Variants in ITGB6 observed in about 807,000 individuals in gnomAD.
ITGB6 encodes integrin beta-6.
ITGB6 carries 80 observed loss-of-function variants against 84.5 expected under a neutral mutation model. The observed-to-expected ratio is 0.95, with a 90% CI of 0.79 to 1.14. ITGB6 has a LOEUF of 1.14. Among genes scored for constraint, ITGB6 ranks in the 50% most tolerant of loss-of-function variants. The pLI is 0.00. For missense variants in ITGB6, 1,006 were observed against 968.0 expected (o/e 1.04, Z -0.52); for synonymous variants, 383 against 354.9 (o/e 1.08, Z -0.89).
intron 7 of ITGB6, among the ~76,000 whole-genome samples, chr2:160,168,586 AT>A (rs1217753320): frequency 6.6e-6 from 1 of 152,068 alleles, no homozygotes; most frequent in African/African-American, 2.4e-5. Context: ...CATATATCGT[AT>A]TTTTTTGCAG....
chr2:160,109,978 T>C (rs1299875654), intron 13 of ITGB6, among the ~76,000 whole-genome samples: 1 of 152,260 alleles, frequency 6.6e-6, no homozygotes. Flanking sequence ...GATAACATCG[T>C]AAATAAAATT....
chr2:160,196,427 A>C lies in ITGB6; in HGVS notation c.142-7T>G, dbSNP rs749859267. 1.9e-6 allele frequency: 3 copies of C among 1,588,672 alleles called. No individual in the cohort carries two copies. Among genetic ancestry groups the C allele is most frequent in the Non-Finnish European group, 2.6e-6 (3 of 1,167,108 alleles). ...CAGATGGATGAGTAAAATTCTAAAA[A>C]AGAAAAAGAAAAACAATAACCAGAA... On this transcript the variant is annotated splice_polypyrimidine_tract_variant and splice_region_variant and intron_variant, in intron 2 of 14. Transcript: ENST00000283249.
At chr2:160,176,023 G>C (rs1331312248) in intron 4 of ITGB6, among the ~76,000 whole-genome samples, 10 of 152,192 alleles carry the variant, frequency 6.6e-5, no homozygotes, top group Non-Finnish European at 1.5e-5. Context: ...GCTTGTGCCT[G>C]TGAGTATCAT....
chr2:160,182,734 AC>A (rs1685732366), intron 4 of ITGB6, among the ~76,000 whole-genome samples: 1 of 152,168 alleles, frequency 6.6e-6, no homozygotes, highest in Non-Finnish European at 1.5e-5. Flanking sequence ...GTTAAGGGCA[AC>A]CAGAGAGAAA....
rs1383690119 is a variant in ITGB6 at position 160,137,432 on chromosome 2, A to G, written c.1660+2T>C. On this transcript the variant is annotated splice_donor_variant, in intron 10 of 14. Transcript: ENST00000283249. LOFTEE classifies it high-confidence loss of function. Reference sequence around the variant, plus strand: ...GGTAAGATGGATTTCAACATAGCCTACCTCCGCAGAGCAGCCCTTTGTGTC... The same window carrying G: ...GGTAAGATGGATTTCAACATAGCCTGCCTCCGCAGAGCAGCCCTTTGTGTC... 9 of 1,602,064 alleles carry G rather than the reference A, an allele frequency of 5.6e-6. No homozygotes were observed. The highest frequency in any genetic ancestry group is 2.2e-5 in the East Asian group (1 of 44,660).
intron 4 of ITGB6, among the ~76,000 whole-genome samples, chr2:160,179,985 C>G (rs574359292): frequency 1.3e-5 from 2 of 149,862 alleles, no homozygotes; most frequent in South Asian, 4.2e-4. Flanking sequence ...TGGTGGCACA[C>G]GCCTGTAATC....
chr2:160,178,619 G>A (rs1685532383), intron 4 of ITGB6, among the ~76,000 whole-genome samples: 1 of 151,742 alleles, frequency 6.6e-6, no homozygotes, highest in Non-Finnish European at 1.5e-5. Flanking sequence ...GGAATTTTGA[G>A]TGCATATTGC....
At chr2:160,198,963 G>A (rs1053079312) in intron 2 of ITGB6, among the ~76,000 whole-genome samples, 6 of 151,994 alleles carry the variant, frequency 3.9e-5, no homozygotes, top group Admixed American at 2.0e-4. Flanking sequence ...ATTTTTTTCC[G>A]AATTATTTGA....
At chr2:160,198,264 A>G (rs537010966) in intron 2 of ITGB6, among the ~76,000 whole-genome samples, 177 of 152,310 alleles carry the variant, frequency 1.2e-3, no homozygotes, top group African/African-American at 4.1e-3. Flanking sequence ...TAAGGGACTG[A>G]GCTGTGTCTG....
At chr2:160,118,209 A>C (rs1192016721) in intron 12 of ITGB6, among the ~76,000 whole-genome samples, 9 of 151,972 alleles carry the variant, frequency 5.9e-5, no homozygotes, top group Non-Finnish European at 1.3e-4. Flanking sequence ...GAGAAACAAC[A>C]AAAAAAGAGA....
At chr2:160,160,103 T>C (rs1489891331) in intron 7 of ITGB6, among the ~76,000 whole-genome samples, 2 of 152,204 alleles carry the variant, frequency 1.3e-5, no homozygotes, top group East Asian at 1.9e-4. Context: ...ATAACTATGC[T>C]CATTTATTTA....
intron 7 of ITGB6, among the ~76,000 whole-genome samples, chr2:160,166,655 A>C (rs1685010089): frequency 6.6e-6 from 1 of 152,194 alleles, no homozygotes; most frequent in Admixed American, 6.5e-5. Flanking sequence ...TAGCACTAGA[A>C]TGTAATATAC....
At chr2:160,167,939 T>C (rs1574111077) in intron 7 of ITGB6, among the ~76,000 whole-genome samples, 1 of 152,050 alleles carries the variant, frequency 6.6e-6, no homozygotes, top group South Asian at 2.1e-4. Flanking sequence ...ACACTAGCCT[T>C]AAGGATCAAA....
At chr2:160,123,761 A>C (rs773419713) in intron 12 of ITGB6, 30 bp downstream of exon 12, 53 of 1,562,276 alleles carry the variant, frequency 3.4e-5, no homozygotes, top group Non-Finnish European at 4.7e-5. Context: ...CTACATAAGG[A>C]AATGAAAAAC....
chr2:160,189,232 C>T (rs1400716821), intron 4 of ITGB6, among the ~76,000 whole-genome samples: 2 of 152,262 alleles, frequency 1.3e-5, no homozygotes, highest in Non-Finnish European at 2.9e-5. Flanking sequence ...ACATGTTAGA[C>T]CTAAAACCAT....
chr2:160,190,368 C>G (rs1446632236), intron 4 of ITGB6, among the ~76,000 whole-genome samples: 1 of 151,950 alleles, frequency 6.6e-6, no homozygotes, highest in Non-Finnish European at 1.5e-5. Flanking sequence ...AAAAAAAACA[C>G]TCTTTGTGAT....
At chr2:160,151,577 A>G (rs1241011648) in intron 7 of ITGB6, among the ~76,000 whole-genome samples, 6 of 152,094 alleles carry the variant, frequency 3.9e-5, no homozygotes, top group Non-Finnish European at 1.5e-5. Flanking sequence ...CTAAAAGAAG[A>G]CAAGAAATAA....
intron 14 of ITGB6, 23 bp from the exon 15 acceptor site, chr2:160,101,857 AGTG>A: frequency 1.5e-6 from 2 of 1,325,834 alleles, no homozygotes; most frequent in Non-Finnish European, 2.2e-6. Context: ...AAAAGATTCA[AGTG>A]AAAGTATGTA....
chr2:160,123,314 T>C (rs951693191), intron 12 of ITGB6, among the ~76,000 whole-genome samples: 2 of 152,108 alleles, frequency 1.3e-5, no homozygotes, highest in Non-Finnish European at 2.9e-5. Context: ...TAAAAGTATA[T>C]GGAGGAGAGG....
Sources: allele counts gnomAD v4.1 joint callset (sites outside exome capture counted in the v4.1 genomes callset), GRCh38; gene constraint gnomAD v4.1.1; transcripts MANE v1.5; gene names NCBI Gene and HGNC (gene_info 2026-07-23, HGNC 2026-07-21).